Variants in STPG2 observed in about 807,000 individuals in gnomAD.
STPG2 encodes sperm tail PG-rich repeat containing 2.
In STPG2, 56 loss-of-function variants were observed where a neutral mutation model predicts 54.2. That is an observed-to-expected ratio of 1.03 (90% CI 0.83 to 1.29). The LOEUF (loss-of-function observed/expected upper bound fraction) is 1.29, where lower values mean the gene tolerates loss of function less well. Ranked by LOEUF, STPG2 falls within the 50% of genes most tolerant of loss-of-function variation. The pLI is 0.00. For synonymous variants in STPG2, 200 were observed against 181.8 expected, an observed-to-expected ratio of 1.10 and a Z score of -0.81; for missense variants, 596 against 544.9, an observed-to-expected ratio of 1.09 and a Z score of -0.93.
intron 4 of STPG2, among the ~76,000 whole-genome samples, chr4:97,454,596 G>C (rs1402148205): frequency 1.6e-5 from 2 of 124,146 alleles, no homozygotes; most frequent in Non-Finnish European, 3.4e-5. Context: ...GGAATAATCA[G>C]TTTTGTATTT....
rs953815757 is a variant in STPG2, at chr4:97,729,864, C to T, written c.1205-17050G>A. Among the ~76,000 whole-genome samples the T allele has an allele frequency of 2.0e-5, 3 of 151,538 alleles. No homozygotes were observed. The East Asian group carries it at 5.8e-4, about 30-fold the overall frequency. ...TGCTATTGTAAATGGGATTTTTTTG[C>T]TTGATTTCTTTTTCAGATAGTTTGC... On this transcript the variant is annotated intron_variant, in intron 9 of 10. Coordinates refer to ENST00000295268, the MANE Select transcript of STPG2 (RefSeq NM_174952.3).
At chr4:97,634,674 C>G (rs1355657195) in intron 10 of STPG2, among the ~76,000 whole-genome samples, 1 of 151,516 alleles carries the variant, frequency 6.6e-6, no homozygotes, top group Non-Finnish European at 1.5e-5. Flanking sequence ...AACCAAGGCT[C>G]GAGAACTAGG....
At chr4:97,920,741 G>A (rs993969258) in intron 8 of STPG2, among the ~76,000 whole-genome samples, 1 of 152,174 alleles carries the variant, frequency 6.6e-6, no homozygotes, top group African/African-American at 2.4e-5. Flanking sequence ...TGAGAAGTAA[G>A]AAATATCACC....
intron 9 of STPG2, among the ~76,000 whole-genome samples, chr4:97,809,566 C>T (rs1007054444): frequency 6.6e-6 from 1 of 152,150 alleles, no homozygotes; most frequent in Non-Finnish European, 1.5e-5. Context: ...ATTTGATGTG[C>T]CTTGGCTAGC....
chr4:97,722,419 CCA>C (rs1724477617), intron 9 of STPG2, among the ~76,000 whole-genome samples: 1 of 152,042 alleles, frequency 6.6e-6, no homozygotes. Flanking sequence ...AATTGTAACT[CCA>C]GTCTTTTTAG....
intron 4 of STPG2, among the ~76,000 whole-genome samples, chr4:97,455,637 C>T (rs1027835070): frequency 1.3e-5 from 2 of 152,162 alleles, no homozygotes; most frequent in Non-Finnish European, 2.9e-5. Flanking sequence ...TAAAACCTTA[C>T]GTTCATTCTC....
At chr4:97,626,876 TTATATAAAGATCTTATGACTACA>T (rs957725490) in intron 10 of STPG2, among the ~76,000 whole-genome samples, 6 of 152,150 alleles carry the variant, frequency 3.9e-5, no homozygotes, top group Non-Finnish European at 7.4e-5. Context: ...CAATTGCTTT[TTATATAAAGATCTTATGACTACA>T]GGTTGGCAAA....
chr4:97,646,308 A>G (rs1232268874), intron 10 of STPG2, among the ~76,000 whole-genome samples: 2 of 152,158 alleles, frequency 1.3e-5, no homozygotes, highest in South Asian at 2.1e-4. Flanking sequence ...CACCATTTGT[A>G]TATCAATGTA....
chr4:97,454,234 C>T (rs1161708701), intron 4 of STPG2, among the ~76,000 whole-genome samples: 2 of 151,986 alleles, frequency 1.3e-5, no homozygotes, highest in Non-Finnish European at 2.9e-5. Context: ...AAGGGATTCG[C>T]CGGGCACGGT....
At chr4:97,999,084 A>T (rs2149274387) in intron 5 of STPG2, among the ~76,000 whole-genome samples, 1 of 152,242 alleles carries the variant, frequency 6.6e-6, no homozygotes, top group South Asian at 2.1e-4. Flanking sequence ...GTCTGACATT[A>T]TTGGGGCAAT....
chr4:98,058,208 A>G (rs1240803596), intron 5 of STPG2, among the ~76,000 whole-genome samples: 1 of 152,172 alleles, frequency 6.6e-6, no homozygotes, highest in African/African-American at 2.4e-5. Flanking sequence ...ATCTGCACAC[A>G]TAAACTAACC....
chr4:97,519,332 C>T (rs977516041), intron 4 of STPG2, among the ~76,000 whole-genome samples: 3 of 151,942 alleles, frequency 2.0e-5, no homozygotes, highest in Non-Finnish European at 4.4e-5. Flanking sequence ...TCAGTACTGT[C>T]TTCCCATCTG....
chr4:98,033,232 G>T (rs953046491), intron 5 of STPG2, among the ~76,000 whole-genome samples: 5 of 151,690 alleles, frequency 3.3e-5, no homozygotes, highest in African/African-American at 7.3e-5. Context: ...AGAAAAGAGA[G>T]AAGAATCAAA....
intron 5 of STPG2, among the ~76,000 whole-genome samples, chr4:97,999,885 G>C (rs1735360236): frequency 6.6e-6 from 1 of 152,162 alleles, no homozygotes; most frequent in East Asian, 1.9e-4. Flanking sequence ...ATTTGGAAGT[G>C]ATTATTGTAT....
At chr4:97,940,784 T>C (rs1732947135) in intron 8 of STPG2, among the ~76,000 whole-genome samples, 1 of 152,166 alleles carries the variant, frequency 6.6e-6, no homozygotes, top group South Asian at 2.1e-4. Context: ...CCAAGTAGTG[T>C]GGCCATACAC....
chr4:97,942,325 T>C (rs1178353281), intron 8 of STPG2, among the ~76,000 whole-genome samples: 1 of 152,016 alleles, frequency 6.6e-6, no homozygotes, highest in African/African-American at 2.4e-5. Flanking sequence ...AGTCATGGCA[T>C]ACTTCACAAT....
At chr4:97,989,979 G>A (rs1734955684) in intron 5 of STPG2, among the ~76,000 whole-genome samples, 1 of 152,202 alleles carries the variant, frequency 6.6e-6, no homozygotes, top group Admixed American at 6.5e-5. Flanking sequence ...CAGATAAAGG[G>A]AGAGTGCTAT....
intron 9 of STPG2, 72 bp from the exon 10 acceptor site, chr4:97,712,886 T>C (rs1724170152): frequency 1.9e-6 from 2 of 1,027,200 alleles, no homozygotes; most frequent in African/African-American, 1.6e-5. Context: ...ATATGAATAT[T>C]AGGTTTGTGC....
intron 9 of STPG2, 27 bp downstream of exon 9, chr4:97,840,746 T>G: frequency 4.4e-6 from 7 of 1,579,122 alleles, no homozygotes; most frequent in Non-Finnish European, 5.1e-6. Flanking sequence ...TTTTTCCTCA[T>G]AGCTTTATAA....
Sources: gnomAD v4.1 joint callset for allele counts (sites outside exome capture counted in the v4.1 genomes callset) on GRCh38, gnomAD v4.1.1 for gene constraint, MANE v1.5 for transcripts, NCBI Gene and HGNC (gene_info 2026-07-23, HGNC 2026-07-21) for gene names.